The following BCOR variants were observed in gnomAD, a reference collection of about 807,000 sequenced individuals.
The protein encoded by BCOR is BCL6 corepressor, also known as BCL-6 corepressor.
A neutral mutation model predicts 86.7 loss-of-function variants in BCOR; 10 were observed. That is an observed-to-expected ratio of 0.12 (90% confidence interval 0.07 to 0.20). The LOEUF (loss-of-function observed/expected upper bound fraction) is 0.20. BCOR is among the 10% of genes least tolerant of loss of function. BCOR has a pLI of 1.00. For synonymous variants in BCOR, 611 were observed against 609.0 expected, an observed-to-expected ratio of 1.00 and a Z score of -0.05; for missense variants, 1,259 against 1,452.1, an observed-to-expected ratio of 0.87 and a Z score of 2.16.
At chrX:40,171,654 G>T (rs1196765481) in intron 1 of BCOR, among the ~76,000 whole-genome samples, 1 of 112,982 alleles carries the variant, frequency 8.9e-6, no homozygotes, top group Non-Finnish European at 1.9e-5. Context: ...GGTGCCCCGC[G>T]TGGGCGCACC....
chrX:40,154,745 G>A (rs760392164), intron 1 of BCOR, among the ~76,000 whole-genome samples: 1 of 112,297 alleles, frequency 8.9e-6, no homozygotes, highest in South Asian at 3.7e-4. Context: ...CCAGGGCCGC[G>A]GCAGAAGAGC....
At chrX:40,108,725 G>A (rs377109213) in intron 1 of BCOR, among the ~76,000 whole-genome samples, 3 of 113,341 alleles carry the variant, frequency 2.6e-5, no homozygotes, top group South Asian at 3.5e-4. Context: ...CCGCGCTTGG[G>A]CAAGCTCCTC....
intron 1 of BCOR, among the ~76,000 whole-genome samples, chrX:40,115,550 C>T (rs1389250080): frequency 1.9e-4 from 21 of 109,675 alleles, no homozygotes; most frequent in Admixed American, 7.7e-4. Context: ...TGGAAGTAGG[C>T]GGATCGCTTG....
chrX:40,075,190 A>G lies in BCOR; in HGVS notation c.166-10T>C. ...CCGTGCTCGCATCCACCTTTGCAGA[A>G]GAACAACATGGGTGTTACTGGGATA... On this transcript the variant is annotated splice_polypyrimidine_tract_variant and intron_variant, in intron 3 of 14. Transcript: ENST00000378444. The G allele has an allele frequency of 8.3e-7, 1 of 1,200,056 alleles. No homozygotes were observed. The highest frequency in any genetic ancestry group is 1.8e-5 in the South Asian group (1 of 55,573).
chrX:40,106,100 G>A (rs181759043), intron 1 of BCOR, among the ~76,000 whole-genome samples: 1,258 of 111,657 alleles, frequency 0.011, 13 homozygotes, highest in African/African-American at 0.04. Context: ...CTCCACCTAG[G>A]GAAGGGCCAA....
At chrX:40,078,460 G>A (rs184607143) in intron 1 of BCOR, among the ~76,000 whole-genome samples, 10 of 111,833 alleles carry the variant, frequency 8.9e-5, no homozygotes, top group Admixed American at 1.9e-4. Context: ...TGAGGTGAGC[G>A]GCAGGTCCAG....
intron 1 of BCOR, among the ~76,000 whole-genome samples, chrX:40,143,000 C>T (rs764294434): frequency 8.9e-6 from 1 of 112,238 alleles, no homozygotes; most frequent in Non-Finnish European, 1.9e-5. Flanking sequence ...AAGGACCCCT[C>T]TCGGGTTGAG....
At chrX:40,137,606 CT>C (rs1273816851) in intron 1 of BCOR, among the ~76,000 whole-genome samples, 2 of 94,235 alleles carry the variant, frequency 2.1e-5, no homozygotes, top group East Asian at 5.7e-4. Flanking sequence ...AAACAAATTC[CT>C]TTATCTTTCC....
chrX:40,079,226 T>C (rs1192812399), intron 1 of BCOR, among the ~76,000 whole-genome samples: 1 of 112,058 alleles, frequency 8.9e-6, no homozygotes, highest in Non-Finnish European at 1.9e-5. Flanking sequence ...ACCCACACAG[T>C]TTCCGAAAGC....
chrX:40,097,493 C>A lies in BCOR; in HGVS notation c.-319G>T, dbSNP rs1191223665. ...CGCCGTCTGCTGGCAGCCGGCTGCC[C>A]TCGGGGTCGGCCCCGCCGAGGGGTG... is the stretch of plus-strand genomic sequence containing the variant. On this transcript the variant is annotated 5_prime_UTR_variant, in exon 1 of 15. In the 5' UTR this introduces an upstream ATG that the reference lacks. Transcript: ENST00000378444. 1 of 102,157 alleles carries A rather than the reference C, an allele frequency of 9.8e-6. No homozygotes were observed. The highest frequency in any genetic ancestry group is 2.0e-5 in the Non-Finnish European group (1 of 49,621). The allele number at this position is 102,157 out of a possible 1,213,427, so 8.4% of individuals were successfully genotyped here.
At chrX:40,052,591 A>G (rs1370553327) in intron 14 of BCOR, among the ~76,000 whole-genome samples, 191 bp from the exon 15 acceptor site, 60 of 78,668 alleles carry the variant, frequency 7.6e-4, no homozygotes, top group African/African-American at 3.1e-3. Flanking sequence ...TGGAGACGGA[A>G]TCTCGCTCTG....
At chrX:40,131,978 C>T (rs1257083118) in intron 1 of BCOR, among the ~76,000 whole-genome samples, 2 of 112,145 alleles carry the variant, frequency 1.8e-5, no homozygotes, top group Non-Finnish European at 3.8e-5. Flanking sequence ...GCTTTCAACA[C>T]AACAGAAGTG....
At chrX:40,054,383 C>T in intron 12 of BCOR, 50 bp from the exon 13 acceptor site, 1 of 1,028,815 alleles carries the variant, frequency 9.7e-7, no homozygotes, top group African/African-American at 1.8e-5. Flanking sequence ...CTGCTGAGAA[C>T]AAAATGATGG....
chrX:40,068,802 G>C (rs1008595705), intron 6 of BCOR, among the ~76,000 whole-genome samples: 3 of 112,930 alleles, frequency 2.7e-5, no homozygotes, highest in Non-Finnish European at 5.6e-5. Flanking sequence ...CTATCACTAA[G>C]AGTCAATGAA....
chrX:40,114,849 C>CT (rs763376608), intron 1 of BCOR, among the ~76,000 whole-genome samples: 6,046 of 84,993 alleles, frequency 0.071, 634 homozygotes, highest in East Asian at 0.37. Flanking sequence ...TTACCATTCA[C>CT]TTTTTTTTTT....
chrX:40,172,020 G>A (rs1938634345), intron 1 of BCOR, among the ~76,000 whole-genome samples: 1 of 112,922 alleles, frequency 8.9e-6, no homozygotes, highest in Non-Finnish European at 1.9e-5. Flanking sequence ...TGGGCCTGGG[G>A]TTGGCGAGGG....
At chrX:40,071,191 AAAC>A in intron 5 of BCOR, 32 bp from the exon 6 acceptor site, 1 of 1,145,496 alleles carries the variant, frequency 8.7e-7, no homozygotes, top group Non-Finnish European at 1.2e-6. Context: ...AAAAAAAAAA[AAAC>A]AACACCTTAC....
intron 1 of BCOR, among the ~76,000 whole-genome samples, chrX:40,116,949 C>T (rs1434458348): frequency 8.9e-6 from 1 of 112,164 alleles, no homozygotes; most frequent in Non-Finnish European, 1.9e-5. Flanking sequence ...ACAAAGCATG[C>T]TGGTCAGCCA....
chrX:40,071,617 T>C lies in BCOR; in HGVS notation c.3051+20A>G. The C allele has an allele frequency of 8.8e-7, 1 of 1,129,973 alleles. No individual in the cohort carries two copies. The highest frequency in any genetic ancestry group is 1.8e-5 in the South Asian group (1 of 54,465). 93.1% of individuals were successfully genotyped at this position (1,129,973 alleles called of 1,213,427 possible). ...AAAGGTTTATGTAAGATTCTAGTAATAAAAATTTGAAGAACTGACCTCACA... is the reference window on the plus strand; with the variant it reads ...AAAGGTTTATGTAAGATTCTAGTAACAAAAATTTGAAGAACTGACCTCACA... On this transcript the variant is annotated intron_variant, in intron 5 of 14. Transcript: ENST00000378444.
Sources: allele counts gnomAD v4.1 joint callset (sites outside exome capture counted in the v4.1 genomes callset), GRCh38; gene constraint gnomAD v4.1.1; transcripts MANE v1.5; gene names NCBI Gene and HGNC (gene_info 2026-07-23, HGNC 2026-07-21).